Variants in ZNF454 observed in about 807,000 individuals in gnomAD.
ZNF454 encodes the protein zinc finger protein 454.
Under a neutral mutation model 48.2 loss-of-function variants are expected in ZNF454, and 30 were observed. The ratio of observed to expected loss-of-function variants is 0.62; its 90% CI spans 0.47 to 0.84. The LOEUF is 0.84. Among genes scored for constraint, ZNF454 ranks in the 40% least tolerant of loss-of-function variants. The pLI is 0.00. For missense variants in ZNF454, 510 were observed against 623.1 expected, an observed-to-expected ratio of 0.82 and a Z score of 1.93; for synonymous variants, 204 against 211.4, an observed-to-expected ratio of 0.97 and a Z score of 0.30.
At chr5:178,989,207 CCCCA>C in the ZNF454 span, 1 of 254,654 alleles carries the variant, frequency 3.9e-6, no homozygotes, top group Non-Finnish European at 6.3e-6. Context: ...CCTTCCCCCT[CCCCA>C]CCCTCACCAC....
chr5:178,969,101 G>A (rs1176500822), downstream of ZNF454, among the ~76,000 whole-genome samples: 1 of 152,180 alleles, frequency 6.6e-6, no homozygotes, highest in Non-Finnish European at 1.5e-5. Flanking sequence ...GATGGTACTA[G>A]TACTTGGCCA....
the ZNF454 span, among the ~76,000 whole-genome samples, chr5:178,977,642 TCA>T: frequency 6.6e-6 from 1 of 151,804 alleles, no homozygotes. Context: ...CGATCTCAAC[TCA>T]CAGAAACCTC....
downstream of ZNF454, among the ~76,000 whole-genome samples, chr5:178,970,343 C>G (rs1367210625): frequency 6.6e-6 from 1 of 152,160 alleles, no homozygotes; most frequent in African/African-American, 2.4e-5. Context: ...CTTGGCCCAC[C>G]TCAACTCTTG....
chr5:178,946,825 C>A lies in ZNF454; in HGVS notation c.161-72C>A. 2.1e-6 allele frequency: 3 copies of A among 1,396,926 alleles called. No homozygotes were observed. Among genetic ancestry groups the A allele is most frequent in the South Asian group, 2.5e-5 (2 of 81,298 alleles). The allele number at this position is 1,396,926 out of a possible 1,614,324, so 86.5% of individuals were successfully genotyped here. A position where few individuals can be genotyped will look rare whatever the true frequency, so the allele number is the denominator to read the frequency against. On this transcript the variant is annotated intron_variant, in intron 3 of 4. Coordinates refer to ENST00000519564, the MANE Select transcript of ZNF454 (RefSeq NM_001178089.3). This position sits in a 1 kb window ranked among gnomAD's most constrained non-coding sequence, Gnocchi z 4.5. The stretch of plus-strand genomic sequence containing the variant: ...TTCCCAGCAAGCTCTGAGGACCAGG[C>A]TTTGTCTTTGCAGTGATTTTTATCT...
At position 178,965,914 on chromosome 5, in the gene ZNF454, G is replaced by A; in HGVS notation, c.1510G>A (p.Ala504Thr). The change falls in exon 5 of 5, where the codon GCT (alanine) becomes ACT (threonine). Residue 504 changes from alanine (A) to threonine (T), a missense_variant. By Grantham distance (58) the Ala-to-Thr change is moderately conservative. Coordinates refer to ENST00000519564, the MANE Select transcript of ZNF454 (RefSeq NM_001178089.3). The surrounding 1 kb of genome is among the most constrained non-coding windows in gnomAD (Gnocchi z 5.2). ...KPYKCNKCGK[A>T]FNQTANLIQH... ...CTATAAATGTAATAAATGTGGGAAA[G>A]CTTTTAACCAGACTGCAAACCTCAT... is the stretch of plus-strand genomic sequence containing the variant. 1.2e-6 allele frequency: 2 copies of A among 1,607,766 alleles called. No homozygotes were observed. Among genetic ancestry groups the A allele is most frequent in the Non-Finnish European group, 1.7e-6 (2 of 1,177,756 alleles).
At chr5:178,952,493 C>T (rs138086275) in intron 4 of ZNF454, among the ~76,000 whole-genome samples, 148 of 152,238 alleles carry the variant, frequency 9.7e-4, no homozygotes, top group African/African-American at 3.1e-3. Context: ...TATGAATGTC[C>T]GTTATCTTCT....
chr5:178,955,257 T>TG (rs956159968), intron 4 of ZNF454, among the ~76,000 whole-genome samples: 1 of 152,216 alleles, frequency 6.6e-6, no homozygotes, highest in Non-Finnish European at 1.5e-5. Context: ...GGAGCTGTAG[T>TG]GGGGTGGCCT....
At chr5:178,971,795 G>A in the ZNF454 span, among the ~76,000 whole-genome samples, 2 of 148,492 alleles carry the variant, frequency 1.3e-5, no homozygotes, top group Admixed American at 1.4e-4. Flanking sequence ...GGTGGAGCTT[G>A]CAGTGAGCTG....
At chr5:178,985,429 C>T in the ZNF454 span, 1,595 of 353,470 alleles carry the variant, frequency 4.5e-3, 25 homozygotes, top group African/African-American at 0.031. Context: ...ACTCACTGGG[C>T]GCAGCGGCTC....
At chr5:178,980,074 A>G in the ZNF454 span, 1 of 154,498 alleles carries the variant, frequency 6.5e-6, no homozygotes, top group Non-Finnish European at 1.5e-5. The surrounding 1 kb of genome is among the most constrained non-coding windows in gnomAD (Gnocchi z 4.3). Flanking sequence ...CTCAGAGGAG[A>G]AGCTTTTAAG....
chr5:178,955,148 A>G (rs1000453003), intron 4 of ZNF454, among the ~76,000 whole-genome samples: 1 of 152,206 alleles, frequency 6.6e-6, no homozygotes, highest in Non-Finnish European at 1.5e-5. Flanking sequence ...ACTATTTTCA[A>G]AGCAACCATT....
rs1759227247 is a variant in ZNF454 at position 178,944,238 on chromosome 5, C to G, written c.33+1414C>G. Reference sequence around the variant, plus strand: ...ACATAGCACAGCTCACCGGCTGTTCCCCTCCTCCTCTTGGCTTCTGACTTG... The same window carrying G: ...ACATAGCACAGCTCACCGGCTGTTCGCCTCCTCCTCTTGGCTTCTGACTTG... On this transcript the variant is annotated intron_variant, in intron 2 of 4. Transcript: ENST00000519564. The surrounding 1 kb of genome is among the most constrained non-coding windows in gnomAD (Gnocchi z 4.1). 6.6e-6 allele frequency among the ~76,000 whole-genome samples: 1 copy of G among 152,120 alleles called. No individual in the cohort carries two copies. The highest frequency in any genetic ancestry group is 1.5e-5 in the Non-Finnish European group (1 of 68,036).
chr5:178,954,303 T>G (rs2113228528), intron 4 of ZNF454, among the ~76,000 whole-genome samples: 1 of 152,044 alleles, frequency 6.6e-6, no homozygotes, highest in East Asian at 1.9e-4. Context: ...TAAAAATAAA[T>G]AAGTAAAATA....
the ZNF454 span, among the ~76,000 whole-genome samples, chr5:178,982,402 A>G: frequency 6.6e-6 from 1 of 151,646 alleles, no homozygotes; most frequent in African/African-American, 2.4e-5. Flanking sequence ...ATATGGTGAA[A>G]CCCCATCTCT....
intron 4 of ZNF454, among the ~76,000 whole-genome samples, chr5:178,956,569 G>A (rs1759758552): frequency 6.6e-6 from 1 of 150,926 alleles, no homozygotes; most frequent in Admixed American, 6.6e-5. Context: ...TTGAGAAAGG[G>A]CAAATCCCCC....
chr5:178,967,953 C>T (rs192217475), downstream of ZNF454, among the ~76,000 whole-genome samples: 198 of 152,064 alleles, frequency 1.3e-3, 3 homozygotes, highest in Admixed American at 0.011. Context: ...GTTGGCCAGG[C>T]TGGTCTCAAA....
the ZNF454 span, chr5:178,981,731 G>C: frequency 4.3e-6 from 7 of 1,614,014 alleles, no homozygotes; most frequent in Non-Finnish European, 5.1e-6. The surrounding 1 kb of genome is among the most constrained non-coding windows in gnomAD (Gnocchi z 5.1). Flanking sequence ...CTCCGCTTTC[G>C]CTTCTGCACA....
At chr5:178,988,893 C>G in the ZNF454 span, 3 of 1,538,518 alleles carry the variant, frequency 1.9e-6, no homozygotes, top group East Asian at 2.3e-5. This position sits in a 1 kb window ranked among gnomAD's most constrained non-coding sequence, Gnocchi z 6.0. Flanking sequence ...TCCAGCCCCC[C>G]AGCTGTCCTT....
the ZNF454 span, chr5:178,989,041 G>A: frequency 1.7e-5 from 28 of 1,613,898 alleles, no homozygotes; most frequent in Middle Eastern, 1.6e-4. Flanking sequence ...GGTGCATGCT[G>A]TGGAGGGCGT....
Sources: allele counts gnomAD v4.1 joint callset (sites outside exome capture counted in the v4.1 genomes callset), GRCh38; gene constraint gnomAD v4.1.1; non-coding constraint Gnocchi (gnomAD v3.1); transcripts MANE v1.5; gene names NCBI Gene and HGNC (gene_info 2026-07-23, HGNC 2026-07-21).